STX18: variants seen among roughly 807,000 people sequenced by gnomAD.
STX18 encodes the protein syntaxin 18.
A neutral mutation model predicts 50.1 loss-of-function variants in STX18; 40 were observed. The observed-to-expected ratio is 0.80, with a 90% CI of 0.62 to 1.04. The LOEUF is 1.04. Ranked by LOEUF, STX18 falls within the 50% of genes least tolerant of loss-of-function variation. The probability of loss-of-function intolerance (pLI) is 0.00; values close to 1 mark genes in which losing one functional copy is unlikely to be tolerated. For synonymous variants in STX18, 158 were observed against 151.8 expected (o/e 1.04, Z -0.30); for missense variants, 410 against 415.8 (o/e 0.99, Z 0.12).
chr4:4,488,408 A>T (rs1049658748), intron 1 of STX18, among the ~76,000 whole-genome samples: 23 of 152,206 alleles, frequency 1.5e-4, no homozygotes, highest in Non-Finnish European at 4.4e-5. Context: ...CTACAAAGAA[A>T]ACCGACATAT....
At chr4:4,535,161 C>T (rs752455863) in intron 1 of STX18, among the ~76,000 whole-genome samples, 1 of 152,214 alleles carries the variant, frequency 6.6e-6, no homozygotes. Context: ...CACTGATTCT[C>T]CCCTAAAGAG....
chr4:4,510,318 G>A (rs747127852), intron 1 of STX18, among the ~76,000 whole-genome samples: 9 of 152,118 alleles, frequency 5.9e-5, no homozygotes, highest in Non-Finnish European at 1.2e-4. Flanking sequence ...GTCAAAGAAA[G>A]TTAAGAAAAA....
At chr4:4,529,841 A>T (rs1195023603) in intron 1 of STX18, among the ~76,000 whole-genome samples, 2 of 152,230 alleles carry the variant, frequency 1.3e-5, no homozygotes, top group East Asian at 3.8e-4. Flanking sequence ...GGTAGCCATT[A>T]TTATCATTTA....
At chr4:4,490,084 C>T (rs1992391) in intron 1 of STX18, among the ~76,000 whole-genome samples, 53,133 of 152,068 alleles carry the variant, frequency 0.35, 12,973 homozygotes, top group African/African-American at 0.7. Flanking sequence ...ACATATCGAA[C>T]TGTAATAAAT....
At chr4:4,450,950 G>T (rs1477609563) in intron 5 of STX18, among the ~76,000 whole-genome samples, 4 of 152,228 alleles carry the variant, frequency 2.6e-5, no homozygotes, top group Admixed American at 1.3e-4. Flanking sequence ...AGACTACAGT[G>T]CAGCAGACTT....
intron 7 of STX18, among the ~76,000 whole-genome samples, chr4:4,427,241 G>A (rs1725295993): frequency 6.6e-6 from 1 of 152,194 alleles, no homozygotes; most frequent in Non-Finnish European, 1.5e-5. Context: ...AAACGGGGAA[G>A]GGGCAAAGCT....
intron 1 of STX18, among the ~76,000 whole-genome samples, chr4:4,492,595 G>A (rs1172486217): frequency 3.3e-5 from 5 of 152,062 alleles, no homozygotes; most frequent in African/African-American, 4.8e-5. Context: ...ATTTTTCAGC[G>A]TGCCTTAGTA....
intron 7 of STX18, among the ~76,000 whole-genome samples, chr4:4,428,893 G>A (rs181469416): frequency 6.6e-6 from 1 of 152,316 alleles, no homozygotes; most frequent in Admixed American, 6.5e-5. Context: ...GCAAAGGAAG[G>A]TGAGAGGCCT....
At chr4:4,450,275 C>A (rs939316965) in intron 5 of STX18, among the ~76,000 whole-genome samples, 5 of 152,180 alleles carry the variant, frequency 3.3e-5, no homozygotes, top group African/African-American at 1.2e-4. Flanking sequence ...ACAGACAGGG[C>A]TTTTCCCCTT....
At chr4:4,423,642 G>C in intron 8 of STX18, 55 bp from the exon 9 acceptor site, 2 of 1,537,760 alleles carry the variant, frequency 1.3e-6, no homozygotes, top group Non-Finnish European at 1.8e-6. Flanking sequence ...AATCTAACAG[G>C]ACTGTTACAC....
At chr4:4,451,326 G>A (rs1726741426) in intron 5 of STX18, among the ~76,000 whole-genome samples, 1 of 152,198 alleles carries the variant, frequency 6.6e-6, no homozygotes, top group African/African-American at 2.4e-5. Flanking sequence ...TATGTGGGAA[G>A]TTTTTGCAAA....
At chr4:4,513,007 A>G (rs1376396803) in intron 1 of STX18, among the ~76,000 whole-genome samples, 1 of 152,200 alleles carries the variant, frequency 6.6e-6, no homozygotes, top group Non-Finnish European at 1.5e-5. Flanking sequence ...GGGTTCAAGA[A>G]TAAAATCCAG....
At chr4:4,503,978 G>A (rs777074019) in intron 1 of STX18, among the ~76,000 whole-genome samples, 1 of 151,760 alleles carries the variant, frequency 6.6e-6, no homozygotes, top group Non-Finnish European at 1.5e-5. Flanking sequence ...ACATATGAGC[G>A]GTTACTCAGT....
At chr4:4,439,492 A>T (rs1725988883) in intron 5 of STX18, among the ~76,000 whole-genome samples, 1 of 140,698 alleles carries the variant, frequency 7.1e-6, no homozygotes, top group Non-Finnish European at 1.5e-5. Flanking sequence ...ACACACACAC[A>T]CTCATATATA....
intron 1 of STX18, among the ~76,000 whole-genome samples, chr4:4,528,434 C>A (rs993851260): frequency 6.6e-6 from 1 of 152,124 alleles, no homozygotes; most frequent in Non-Finnish European, 1.5e-5. Flanking sequence ...CTTCTCTCTT[C>A]TTGTTCTCTC....
intron 5 of STX18, among the ~76,000 whole-genome samples, chr4:4,452,007 G>A (rs1386271153): frequency 6.6e-6 from 1 of 152,328 alleles, no homozygotes; most frequent in East Asian, 1.9e-4. Flanking sequence ...GGAAATTAAA[G>A]TGCTACTCCA....
At chr4:4,483,949 C>T (rs981155317) in intron 1 of STX18, among the ~76,000 whole-genome samples, 3 of 152,130 alleles carry the variant, frequency 2.0e-5, no homozygotes, top group African/African-American at 7.2e-5. Flanking sequence ...GCAACCTCCA[C>T]CTCCCAGGTT....
chr4:4,463,450 C>G (rs1464096985), intron 2 of STX18, among the ~76,000 whole-genome samples: 2 of 152,136 alleles, frequency 1.3e-5, no homozygotes, highest in African/African-American at 4.8e-5. Flanking sequence ...TATTTGCTGA[C>G]CTGTAGCATT....
chr4:4,466,234 T>C (rs1479623766), intron 2 of STX18, among the ~76,000 whole-genome samples: 1 of 151,228 alleles, frequency 6.6e-6, no homozygotes, highest in African/African-American at 2.4e-5. Flanking sequence ...TCTCTCAGGA[T>C]GGAAGCATGT....
Sources: gnomAD v4.1 joint callset for allele counts (sites outside exome capture counted in the v4.1 genomes callset) on GRCh38, gnomAD v4.1.1 for gene constraint, MANE v1.5 for transcripts, NCBI Gene and HGNC (gene_info 2026-07-23, HGNC 2026-07-21) for gene names.